Variants in CAMTA1 observed in about 807,000 individuals in gnomAD.
The protein encoded by CAMTA1 is calmodulin-binding transcription activator 1.
CAMTA1 carries 27 observed loss-of-function variants against 170.9 expected under a neutral mutation model. That is an observed-to-expected ratio of 0.16 (90% CI 0.12 to 0.22). The LOEUF (loss-of-function observed/expected upper bound fraction) is 0.22, where lower values mean the gene tolerates loss of function less well. Among genes scored for constraint, CAMTA1 ranks in the 10% least tolerant of loss-of-function variants. CAMTA1 has a pLI of 1.00. For missense variants in CAMTA1, 1,619 were observed against 2,217.2 expected (o/e 0.73, Z 5.42); for synonymous variants, 833 against 891.5 (o/e 0.93, Z 1.17).
At chr1:7,582,107 G>A (rs2095266106) in intron 6 of CAMTA1, among the ~76,000 whole-genome samples, 4 of 152,220 alleles carry the variant, frequency 2.6e-5, no homozygotes, top group Admixed American at 2.0e-4. Flanking sequence ...GCCAGCAGCA[G>A]GAGGAGCTGG....
At chr1:7,329,964 A>G (rs769341283) in intron 5 of CAMTA1, among the ~76,000 whole-genome samples, 1 of 152,192 alleles carries the variant, frequency 6.6e-6, no homozygotes, top group African/African-American at 2.4e-5. Flanking sequence ...GCCCATGCTC[A>G]TGGGTAACAA....
chr1:7,053,627 T>G (rs1290035064), intron 3 of CAMTA1, among the ~76,000 whole-genome samples: 1 of 151,284 alleles, frequency 6.6e-6, no homozygotes, highest in Non-Finnish European at 1.5e-5. Flanking sequence ...CCCCTTCCCC[T>G]TCCTCCCTCA....
chr1:7,574,204 T>C (rs2095161959), intron 6 of CAMTA1, among the ~76,000 whole-genome samples: 2 of 134,706 alleles, frequency 1.5e-5, no homozygotes, highest in South Asian at 2.2e-4. Context: ...CACAACACCA[T>C]GTGCCGAGCT....
intron 3 of CAMTA1, among the ~76,000 whole-genome samples, chr1:6,985,074 C>T (rs1041212149): frequency 2.6e-5 from 4 of 152,202 alleles, no homozygotes; most frequent in Non-Finnish European, 4.4e-5. Flanking sequence ...CCTGTTAGGT[C>T]CCAGGCCTGG....
At chr1:7,598,119 T>A (rs527749711) in intron 6 of CAMTA1, among the ~76,000 whole-genome samples, 1 of 138,590 alleles carries the variant, frequency 7.2e-6, no homozygotes. Flanking sequence ...CGGTGTGTGA[T>A]GTTCCCCTTC....
intron 4 of CAMTA1, among the ~76,000 whole-genome samples, chr1:7,197,152 C>T (rs1046294327): frequency 6.6e-6 from 1 of 152,238 alleles, no homozygotes; most frequent in East Asian, 1.9e-4. Flanking sequence ...GGTCCTTGCA[C>T]TCTGGAAGTG....
chr1:7,755,053 C>T (rs535140065), intron 21 of CAMTA1, among the ~76,000 whole-genome samples: 27 of 152,180 alleles, frequency 1.8e-4, no homozygotes, highest in Non-Finnish European at 2.4e-4. Flanking sequence ...TGGCCAGGTG[C>T]GGTGGCTCAC....
chr1:6,962,577 C>A (rs1225907857), intron 3 of CAMTA1, among the ~76,000 whole-genome samples: 21 of 147,468 alleles, frequency 1.4e-4, no homozygotes, highest in African/African-American at 4.8e-4. Context: ...AGCCTTCCCA[C>A]CTGGCCCCAC....
Position 7,664,636 on chromosome 1 carries a change from G to C in CAMTA1, c.2089G>C (p.Ala697Pro). ...EGEVTMETSQAAEGSEVLLKS... is the reference protein window; with the variant it reads ...EGEVTMETSQPAEGSEVLLKS... ...GGAGGTCACCATGGAGACCTCGCAG[G>C]CGGCGGAAGGGAGCGAGGTCCTGCT... The change falls in exon 9 of 23, where the codon GCG becomes CCG. Residue 697 changes from alanine to proline, a missense_variant. Ala to Pro is a conservative substitution (Grantham distance 27). Around this residue, in one of 8 missense-constraint regions of CAMTA1, gnomAD observed 731 missense variants for 907.6 expected, o/e 0.81. Coordinates refer to ENST00000303635, the MANE Select transcript of CAMTA1 (RefSeq NM_015215.4). 3 of 1,607,540 alleles carry C rather than the reference G, an allele frequency of 1.9e-6. No homozygotes were observed. Among genetic ancestry groups the C allele is most frequent in the Non-Finnish European group, 2.6e-6 (3 of 1,175,382 alleles).
At chr1:7,402,870 T>G (rs1205377861) in intron 5 of CAMTA1, among the ~76,000 whole-genome samples, 1 of 152,072 alleles carries the variant, frequency 6.6e-6, no homozygotes, top group Non-Finnish European at 1.5e-5. Flanking sequence ...CTGCTGAGAG[T>G]AAGAAGTGTT....
chr1:6,958,775 G>A (rs565740309), intron 3 of CAMTA1, among the ~76,000 whole-genome samples: 5 of 152,062 alleles, frequency 3.3e-5, no homozygotes, highest in African/African-American at 7.2e-5. Flanking sequence ...ATTAAGCTGC[G>A]TTGCTGTGTG....
chr1:7,741,435 C>A (rs2096814057), intron 16 of CAMTA1, among the ~76,000 whole-genome samples: 1 of 151,910 alleles, frequency 6.6e-6, no homozygotes, highest in South Asian at 2.1e-4. Flanking sequence ...TGGTGGCGGG[C>A]ACCTGTAGTC....
chr1:7,648,804 G>A (rs189143903), intron 7 of CAMTA1, among the ~76,000 whole-genome samples: 88 of 152,320 alleles, frequency 5.8e-4, no homozygotes, highest in African/African-American at 2.0e-3. Flanking sequence ...GACTCCCTGG[G>A]TCTGGAGTGG....
chr1:7,257,804 AC>A (rs1667641397), intron 5 of CAMTA1, among the ~76,000 whole-genome samples: 1 of 152,168 alleles, frequency 6.6e-6, no homozygotes, highest in South Asian at 2.1e-4. Context: ...ATTTTATCTG[AC>A]AACCCTCCAA....
Position 6,974,274 on chromosome 1 carries a change from T to A in CAMTA1, c.235-117030T>A, listed in dbSNP as rs114180049. The stretch of plus-strand genomic sequence containing the variant: ...AATTTTTCATACAGTAACAAAACAA[T>A]ACAGTTGTGTATTCCCATAATATCC... On this transcript the variant is annotated intron_variant, in intron 3 of 22. Coordinates refer to ENST00000303635, the MANE Select transcript of CAMTA1 (RefSeq NM_015215.4). 2.5e-3 allele frequency among the ~76,000 whole-genome samples: 378 copies of A among 152,364 alleles called. 1 individual carries two copies. The highest frequency in any genetic ancestry group is 7.6e-3 in the African/African-American group (318 of 41,590).
rs548886139 is a variant in CAMTA1, at chr1:7,622,424, G to A, written c.511-17976G>A. Among the ~76,000 whole-genome samples the A allele has an allele frequency of 5.3e-5, 8 of 152,338 alleles. No individual in the cohort carries two copies. The South Asian group carries it at 1.7e-3, about 32-fold the overall frequency. On this transcript the variant is annotated intron_variant, in intron 6 of 22. Transcript: ENST00000303635. ...TGGCTGCAGGCAAGATAACAGATTG[G>A]TGTATTCTTTCTATCTTATTTGAAT...
chr1:7,401,500 T>C (rs138768307), intron 5 of CAMTA1, among the ~76,000 whole-genome samples: 2 of 152,134 alleles, frequency 1.3e-5, no homozygotes, highest in East Asian at 3.9e-4. Context: ...ATATAAAATT[T>C]AGAATTAGTT....
intron 11 of CAMTA1, among the ~76,000 whole-genome samples, chr1:7,728,892 G>T (rs1332500569): frequency 6.6e-6 from 1 of 152,146 alleles, no homozygotes; most frequent in Non-Finnish European, 1.5e-5. Context: ...GAGAACGGCC[G>T]TGTGCAGGTT....
chr1:6,847,561 CAG>C (rs1198702375), intron 3 of CAMTA1, among the ~76,000 whole-genome samples: 33 of 149,372 alleles, frequency 2.2e-4, no homozygotes, highest in Middle Eastern at 3.5e-3. Flanking sequence ...TTTTTTGAGA[CAG>C]AGTCTTACCC....
Sources: gnomAD v4.1 joint callset for allele counts (sites outside exome capture counted in the v4.1 genomes callset) on GRCh38, gnomAD v4.1.1 for gene constraint, gnomAD v4.1.1 regional missense constraint, MANE v1.5 for transcripts, NCBI Gene and HGNC (gene_info 2026-07-23, HGNC 2026-07-21) for gene names.